Variants in RNF138 observed in about 807,000 individuals in gnomAD.
RNF138 encodes E3 ubiquitin-protein ligase RNF138.
RNF138 carries 12 observed loss-of-function variants against 31.0 expected under a neutral mutation model. That is an observed-to-expected ratio of 0.39 (90% CI 0.25 to 0.63). The LOEUF is 0.63. RNF138 is among the 20% of genes least tolerant of loss of function. The pLI, the probability that RNF138 is intolerant of heterozygous loss-of-function variation, is 0.52. For synonymous variants in RNF138, 105 were observed against 99.5 expected (o/e 1.06, Z -0.33); for missense variants, 192 against 300.1 (o/e 0.64, Z 2.66).
At chr18:32,120,172 TAC>T in intron 4 of RNF138, among the ~76,000 whole-genome samples, 1 of 152,314 alleles carries the variant, frequency 6.6e-6, no homozygotes, top group South Asian at 2.1e-4. Context: ...GTATAATATT[TAC>T]TATAGTTTTT....
At chr18:32,112,008 T>C (rs1598855665) in intron 3 of RNF138, 89 bp downstream of exon 3, 2 of 1,265,184 alleles carry the variant, frequency 1.6e-6, no homozygotes, top group East Asian at 5.0e-5. Context: ...TGTTTTTTTT[T>C]TTTTTGAAAA....
intron 2 of RNF138, among the ~76,000 whole-genome samples, chr18:32,097,134 G>C (rs1382510839): frequency 6.6e-6 from 1 of 152,214 alleles, no homozygotes; most frequent in African/African-American, 2.4e-5. Flanking sequence ...GTAGGAGTAA[G>C]GTGTTTATCT....
intron 2 of RNF138, among the ~76,000 whole-genome samples, chr18:32,105,745 A>T (rs2040017690): frequency 6.6e-6 from 1 of 152,218 alleles, no homozygotes; most frequent in African/African-American, 2.4e-5. Context: ...AAAGTTAAAA[A>T]ATTTCCATAT....
chr18:32,115,011 T>C (rs969659282), intron 4 of RNF138, among the ~76,000 whole-genome samples: 11 of 146,520 alleles, frequency 7.5e-5, no homozygotes, highest in African/African-American at 1.3e-4. Context: ...GTTGCTCTTA[T>C]AGTTTTTTTT....
rs182561794 is a variant in RNF138, at chr18:32,115,993, C to G, written c.392+2133C>G. On this transcript the variant is annotated intron_variant, in intron 4 of 7. Transcript: ENST00000261593. ...GGGTTCAAATTTCAGATGTCACTTA[C>G]TAATTGTATTACATTGTCAAGAAAC... Among the ~76,000 whole-genome samples the G allele has an allele frequency of 7.2e-5, 11 of 152,242 alleles. No individual in the cohort carries two copies. The East Asian group carries it at 2.1e-3, about 29-fold the overall frequency.
At chr18:32,115,018 T>A (rs186988337) in intron 4 of RNF138, among the ~76,000 whole-genome samples, 61 of 152,168 alleles carry the variant, frequency 4.0e-4, no homozygotes, top group Non-Finnish European at 6.9e-4. Context: ...TTATAGTTTT[T>A]TTTTAGTCCT....
intron 2 of RNF138, among the ~76,000 whole-genome samples, chr18:32,098,131 C>T (rs1204045863): frequency 2.0e-5 from 3 of 151,886 alleles, no homozygotes; most frequent in African/African-American, 7.3e-5. Flanking sequence ...GGATTACAGG[C>T]GTGCACCATC....
intron 4 of RNF138, among the ~76,000 whole-genome samples, chr18:32,118,825 G>A (rs544459142): frequency 3.4e-4 from 51 of 151,806 alleles, no homozygotes; most frequent in Admixed American, 3.0e-3. Flanking sequence ...GCGAGACTCC[G>A]TCTCAAAAAA....
chr18:32,104,265 G>A (rs995249989), intron 2 of RNF138, among the ~76,000 whole-genome samples: 1 of 151,710 alleles, frequency 6.6e-6, no homozygotes, highest in Non-Finnish European at 1.5e-5. Context: ...CCCCCACTTC[G>A]GCGTCCCAAA....
At position 32,118,464 on chromosome 18, in the gene RNF138, G is replaced by T. The variant is rs1169391558; in HGVS notation, c.392+4604G>T. Among the ~76,000 whole-genome samples, 8 of 151,662 alleles carry T rather than the reference G, an allele frequency of 5.3e-5. No individual in the cohort carries two copies. The East Asian group carries it at 1.6e-3, about 30-fold the overall frequency. On this transcript the variant is annotated intron_variant, in intron 4 of 7. Coordinates refer to ENST00000261593, the MANE Select transcript of RNF138 (RefSeq NM_016271.5). Reference sequence around the variant, plus strand: ...CAGGAGAATTTCTTGAACCCAGGAGGCAGAGGTTGCAGTGATCTGAGATCT... The same window carrying T: ...CAGGAGAATTTCTTGAACCCAGGAGTCAGAGGTTGCAGTGATCTGAGATCT...
intron 2 of RNF138, 104 bp from the exon 3 acceptor site, chr18:32,111,645 CTAACT>C (rs1253041243): frequency 2.2e-6 from 2 of 914,812 alleles, no homozygotes; most frequent in Non-Finnish European, 3.3e-6. Flanking sequence ...TATGAGTAGC[CTAACT>C]TATTTAATAT....
intron 2 of RNF138, among the ~76,000 whole-genome samples, chr18:32,110,692 G>A (rs561575666): frequency 2.0e-5 from 3 of 152,236 alleles, no homozygotes; most frequent in African/African-American, 7.2e-5. Context: ...TCTCTTGAAA[G>A]CAAAATGATC....
chr18:32,092,415 G>A (rs2039707929), intron 1 of RNF138, among the ~76,000 whole-genome samples, 180 bp downstream of exon 1: 1 of 151,994 alleles, frequency 6.6e-6, no homozygotes, highest in Non-Finnish European at 1.5e-5. Context: ...GCGAGCCCGC[G>A]CCTGGAGCCC....
chr18:32,108,084 A>C (rs1251085340), intron 2 of RNF138, among the ~76,000 whole-genome samples: 1 of 149,608 alleles, frequency 6.7e-6, no homozygotes. Flanking sequence ...TGACCTCCTG[A>C]CTTCAGGTGA....
rs373202145 is a variant in RNF138, at chr18:32,121,585, A to G, written c.393-1933A>G. Among the ~76,000 whole-genome samples the G allele has an allele frequency of 8.5e-5, 13 of 152,374 alleles. No individual in the cohort carries two copies. In the East Asian group the frequency reaches 1.9e-3, roughly 23 times the overall value. ...TCCTCCCCAATGATATTATAGTTCT[A>G]TAAACCTATTAGAAGTTGTTAACAG... On this transcript the variant is annotated intron_variant, in intron 4 of 7. Coordinates refer to ENST00000261593, the MANE Select transcript of RNF138 (RefSeq NM_016271.5).
chr18:32,098,027 C>T (rs571836860), intron 2 of RNF138, among the ~76,000 whole-genome samples: 1 of 150,954 alleles, frequency 6.6e-6, no homozygotes, highest in African/African-American at 2.4e-5. Flanking sequence ...ACTGTGTTGC[C>T]CAGGCTGGAT....
In RNF138 at chr18:32,102,199, T is replaced by C. The variant is rs1403889383; in HGVS notation, c.110+9313T>C. 7.0e-5 allele frequency among the ~76,000 whole-genome samples: 9 copies of C among 129,010 alleles called. No individual in the cohort carries two copies. The South Asian group carries it at 1.8e-3, about 26-fold the overall frequency. 84.6% of individuals were successfully genotyped at this position (129,010 alleles called of 152,430 possible). On this transcript the variant is annotated intron_variant, in intron 2 of 7. Coordinates refer to ENST00000261593, the MANE Select transcript of RNF138 (RefSeq NM_016271.5). ...CACCTGACCTTCTTTTAGTTTCTTTTTTTTTTTTTTTTTTTTTTTTGAGAC... is the reference window on the plus strand; with the variant it reads ...CACCTGACCTTCTTTTAGTTTCTTTCTTTTTTTTTTTTTTTTTTTTGAGAC...
intron 2 of RNF138, among the ~76,000 whole-genome samples, chr18:32,106,055 G>A (rs536111015): frequency 2.6e-5 from 4 of 152,194 alleles, no homozygotes; most frequent in African/African-American, 7.2e-5. Context: ...TTTCCCTTGT[G>A]CATTTTAAAT....
In RNF138 at chr18:32,092,869, C is replaced by T. The variant is rs750755769; in HGVS notation, c.93C>T (p.Thr31=). 6.3e-7 allele frequency: 1 copy of T among 1,578,754 alleles called. No individual in the cohort carries two copies. Among genetic ancestry groups the T allele is most frequent in the South Asian group, 1.2e-5 (1 of 85,738 alleles). The part of the protein sequence containing the change: ...CQEVLKTPVR[T]TACQHVFCRK... ...AGGTGCTCAAAACGCCCGTGCGGAC[C>T]ACGGCCTGTCAGCACGTGTGAGTAG... Residue 31 remains threonine (T), a synonymous_variant, in exon 2 of 8, where the codon ACC becomes ACT. Transcript: ENST00000261593.
Sources: allele counts gnomAD v4.1 joint callset (sites outside exome capture counted in the v4.1 genomes callset), GRCh38; gene constraint gnomAD v4.1.1; transcripts MANE v1.5; gene names NCBI Gene and HGNC (gene_info 2026-07-23, HGNC 2026-07-21).